C16orf96: variants seen among roughly 807,000 people sequenced by gnomAD.
C16orf96 encodes uncharacterized protein C16orf96.
Under a neutral mutation model 103.6 loss-of-function variants are expected in C16orf96, and 108 were observed. The ratio of observed to expected loss-of-function variants is 1.04; its 90% CI spans 0.89 to 1.22. C16orf96 has a LOEUF of 1.22. C16orf96 is among the 50% of genes most tolerant of loss of function. C16orf96 has a pLI of 0.00. For synonymous variants in C16orf96, 566 were observed against 593.5 expected (o/e 0.95, Z 0.67); for missense variants, 1,586 against 1,464.2 (o/e 1.08, Z -1.36).
At chr16:4,584,173 T>G (rs1649574865) in intron 7 of C16orf96, among the ~76,000 whole-genome samples, 1 of 152,078 alleles carries the variant, frequency 6.6e-6, no homozygotes, top group South Asian at 2.1e-4. Context: ...CTCCACCATG[T>G]GACTTACATG....
chr16:4,562,849 G>A (rs2059346469), intron 1 of C16orf96: 1 of 1,370,740 alleles, frequency 7.3e-7, no homozygotes, highest in Admixed American at 1.8e-5. Context: ...TCAGAAATCT[G>A]TTCTGTCAGC....
At position 4,556,538 on chromosome 16, in the gene C16orf96, C is replaced by T. The variant is rs2059263916; in HGVS notation, c.49C>T (p.Gln17Ter). The T allele has an allele frequency of 1.9e-6, 3 of 1,545,120 alleles. No homozygotes were observed. The highest frequency in any genetic ancestry group is 1.2e-5 in the South Asian group (1 of 83,882). ...CGAGCTGGCCAACATCGCCATCCCA[C>T]AGTGCGGGGTGCTGAACTTCAAGGC... The part of the protein sequence containing the change: ...FTELANIAIP[Q>*]CGVLNFKALH... Residue 17 changes from glutamine to a stop codon, truncating the protein, a stop_gained, in exon 1 of 16, where the codon CAG becomes TAG. Coordinates refer to ENST00000444310, the MANE Select transcript of C16orf96 (RefSeq NM_001145011.2). LOFTEE classifies it high-confidence loss of function.
the C16orf96 span, among the ~76,000 whole-genome samples, chr16:4,542,955 G>A: frequency 6.6e-6 from 1 of 152,118 alleles, no homozygotes; most frequent in African/African-American, 2.4e-5. Context: ...GGACAGCACA[G>A]ATCTAGAATA....
At chr16:4,558,649 G>T (rs548538610) in intron 1 of C16orf96, among the ~76,000 whole-genome samples, 18 of 149,708 alleles carry the variant, frequency 1.2e-4, no homozygotes, top group African/African-American at 4.4e-4. Context: ...GCACAGTGGC[G>T]CACACCTGTA....
chr16:4,579,199 TGCG>T, intron 6 of C16orf96, among the ~76,000 whole-genome samples, 174 bp downstream of exon 6: 1 of 18,868 alleles, frequency 5.3e-5, no homozygotes, highest in South Asian at 0.014. Context: ...GATTCACTGG[TGCG>T]GTGGGGGGGC....
chr16:4,586,229 C>T (rs1896925502), intron 7 of C16orf96, among the ~76,000 whole-genome samples: 1 of 152,188 alleles, frequency 6.6e-6, no homozygotes, highest in Non-Finnish European at 1.5e-5. Flanking sequence ...CACTGCACTC[C>T]AGCCTGGGCG....
chr16:4,575,608 A>G lies in C16orf96; in HGVS notation c.1128A>G (p.Pro376=). The change falls in exon 5 of 16, where the codon CCA becomes CCG. Residue 376 remains proline, a synonymous_variant. Transcript: ENST00000444310. ...CTGTGCTTGGACCTGTGCCTGCCCC[A>G]GGTGCCCAGCCTCCACCACTGGGAG... ...PWPVLGPVPA[P]GAQPPPLGDW... 6.6e-7 allele frequency: 1 copy of G among 1,512,306 alleles called. No individual in the cohort carries two copies. The allele number at this position is 1,512,306 out of a possible 1,614,324, so 93.7% of individuals were successfully genotyped here.
chr16:4,547,248 C>T, the C16orf96 span, among the ~76,000 whole-genome samples: 1 of 152,206 alleles, frequency 6.6e-6, no homozygotes, highest in Non-Finnish European at 1.5e-5. Flanking sequence ...GATTCTCCTG[C>T]CTCAGCCTCC....
chr16:4,542,070 A>G, the C16orf96 span, among the ~76,000 whole-genome samples: 1 of 152,214 alleles, frequency 6.6e-6, no homozygotes, highest in African/African-American at 2.4e-5. Context: ...ACCAGCACAT[A>G]TGTAATCCAG....
chr16:4,594,291 C>G, intron 12 of C16orf96, 60 bp from the exon 13 acceptor site: 1 of 1,516,172 alleles, frequency 6.6e-7, no homozygotes, highest in Non-Finnish European at 8.9e-7. Flanking sequence ...CCTTGGGGCC[C>G]GTCCTGGGCT....
At chr16:4,557,806 A>G (rs955163815) in intron 1 of C16orf96, among the ~76,000 whole-genome samples, 1 of 152,036 alleles carries the variant, frequency 6.6e-6, no homozygotes, top group African/African-American at 2.4e-5. Flanking sequence ...AGTAACTGGG[A>G]CCACAGGTGT....
In C16orf96 at chr16:4,593,248, C is replaced by T. The variant is rs1363917993; in HGVS notation, c.2799C>T (p.Ala933=). The change falls in exon 12 of 16, where the codon GCC becomes GCT. Residue 933 remains alanine, a synonymous_variant. Coordinates refer to ENST00000444310, the MANE Select transcript of C16orf96 (RefSeq NM_001145011.2). This position sits in a 1 kb window ranked among gnomAD's most constrained non-coding sequence, Gnocchi z 4.2. ...GACAGCTGATCACCATCCGCAAAGC[C>T]CACCTGCTGTCCCGGCTGCGGCCAG... The part of the protein sequence containing the change: ...TGPQLITIRK[A]HLLSRLRPAS... 7 of 1,551,078 alleles carry T rather than the reference C, an allele frequency of 4.5e-6. No homozygotes were observed. Among genetic ancestry groups the T allele is most frequent in the Non-Finnish European group, 6.1e-6 (7 of 1,146,902 alleles).
At position 4,584,037 on chromosome 16, in the gene C16orf96, A is replaced by G. The variant is rs144023745; in HGVS notation, c.2353-3002A>G. ...GGATTACTCCACAACCAGTGTTAGG[A>G]AAACCATTTCAAGGAATAACAGTAA... On this transcript the variant is annotated intron_variant, in intron 7 of 15. Transcript: ENST00000444310. Among the ~76,000 whole-genome samples the G allele has an allele frequency of 1.3e-4, 20 of 152,296 alleles. 1 individual carries two copies. Among genetic ancestry groups the G allele is most frequent in the African/African-American group, 4.3e-4 (18 of 41,568 alleles).
At chr16:4,552,496 A>C (rs905766531), upstream of C16orf96, among the ~76,000 whole-genome samples, 1 of 151,838 alleles carries the variant, frequency 6.6e-6, no homozygotes, top group Non-Finnish European at 1.5e-5. Context: ...AAAAAAAAAA[A>C]AAAAAGAAAC....
intron 1 of C16orf96, among the ~76,000 whole-genome samples, chr16:4,562,319 T>C (rs985462061): frequency 6.6e-6 from 1 of 151,936 alleles, no homozygotes; most frequent in Admixed American, 6.6e-5. Context: ...TACCAAAAAA[T>C]TTTGAAATTG....
At chr16:4,563,236 C>A in intron 1 of C16orf96, 3 of 510,414 alleles carry the variant, frequency 5.9e-6, no homozygotes, top group South Asian at 1.8e-5. Flanking sequence ...CTTGCTCGTT[C>A]GCTCATGACT....
rs767224094 is a variant in C16orf96 at position 4,594,390 on chromosome 16, GGA to G, written c.2909_2910del (p.Glu970GlyfsTer8). The G allele has an allele frequency of 1.1e-4, 154 of 1,433,254 alleles. No individual in the cohort carries two copies. The highest frequency in any genetic ancestry group is 1.4e-4 in the Non-Finnish European group (151 of 1,069,666). 88.8% of individuals were successfully genotyped at this position (1,433,254 alleles called of 1,614,324 possible). A position where few individuals can be genotyped will look rare whatever the true frequency, so the allele number is the denominator to read the frequency against. On this transcript the variant is annotated frameshift_variant, in exon 13 of 16. Coordinates refer to ENST00000444310, the MANE Select transcript of C16orf96 (RefSeq NM_001145011.2). LOFTEE classifies it high-confidence loss of function. Reference protein sequence around the residue: ...WLQLQDLGIQEDCQQDWGDGP... With the variant: ...WLQLQDLGIQXDCQQDWGDGP... ...TGCAGCTCCAGGACCTCGGTATCCAGGAGGATTGTCAGCAGGACTGGGGTGAT... is the reference window on the plus strand; with the variant it reads ...TGCAGCTCCAGGACCTCGGTATCCAGGGATTGTCAGCAGGACTGGGGTGAT...
intron 14 of C16orf96, among the ~76,000 whole-genome samples, chr16:4,596,137 A>G (rs979362767): frequency 2.6e-5 from 4 of 152,064 alleles, no homozygotes; most frequent in African/African-American, 9.7e-5. Flanking sequence ...ACAAATTACC[A>G]CAAGCAGGGT....
At chr16:4,557,219 C>T (rs2059275132) in intron 1 of C16orf96, among the ~76,000 whole-genome samples, 1 of 152,144 alleles carries the variant, frequency 6.6e-6, no homozygotes, top group Non-Finnish European at 1.5e-5. Flanking sequence ...ATCCACCTGC[C>T]TCGGCTTCCT....
Sources: gnomAD v4.1 joint callset for allele counts (sites outside exome capture counted in the v4.1 genomes callset) on GRCh38, gnomAD v4.1.1 for gene constraint, Gnocchi (gnomAD v3.1) non-coding constraint, MANE v1.5 for transcripts, NCBI Gene and HGNC (gene_info 2026-07-23, HGNC 2026-07-21) for gene names.